GID4: variants seen among roughly 807,000 people sequenced by gnomAD.
The protein encoded by GID4 is glucose-induced degradation protein 4 homolog.
In GID4, 7 loss-of-function variants were observed where a neutral mutation model predicts 32.4. The observed-to-expected ratio is 0.22, with a 90% CI of 0.12 to 0.41. The LOEUF is 0.41. Among genes scored for constraint, GID4 ranks in the 10% least tolerant of loss-of-function variants. GID4 has a pLI of 1.00. For synonymous variants in GID4, 166 were observed against 170.0 expected, an observed-to-expected ratio of 0.98 and a Z score of 0.18; for missense variants, 309 against 400.0, an observed-to-expected ratio of 0.77 and a Z score of 1.94.
intron 3 of GID4, among the ~76,000 whole-genome samples, chr17:18,057,676 T>TA (rs1301446069): frequency 1.3e-5 from 2 of 151,994 alleles, no homozygotes; most frequent in Non-Finnish European, 1.5e-5. Context: ...GTCTTTTTTT[T>TA]AAAAAATGGG....
At chr17:18,056,368 GC>G (rs2044967180) in intron 3 of GID4, among the ~76,000 whole-genome samples, 1 of 152,320 alleles carries the variant, frequency 6.6e-6, no homozygotes, top group South Asian at 2.1e-4. Flanking sequence ...GGTTGGGGGA[GC>G]CCAAGTGGTG....
chr17:18,042,460 T>C (rs1249895437), intron 1 of GID4, among the ~76,000 whole-genome samples: 1 of 152,260 alleles, frequency 6.6e-6, no homozygotes, highest in Non-Finnish European at 1.5e-5. Flanking sequence ...TTCATCCATA[T>C]GGTAATATGT....
At chr17:18,045,626 G>T (rs1269879017) in intron 2 of GID4, among the ~76,000 whole-genome samples, 1 of 152,000 alleles carries the variant, frequency 6.6e-6, no homozygotes, top group African/African-American at 2.4e-5. Flanking sequence ...TGGTCGCGGT[G>T]GCTCATGCCT....
chr17:18,057,601 A>G (rs1011321891), intron 3 of GID4: 1 of 153,150 alleles, frequency 6.5e-6, no homozygotes, highest in African/African-American at 2.4e-5. Context: ...GCAACACCTA[A>G]AACTAAAATA....
intron 5 of GID4, among the ~76,000 whole-genome samples, chr17:18,062,719 C>T (rs895217341): frequency 2.0e-5 from 3 of 152,148 alleles, no homozygotes; most frequent in Non-Finnish European, 4.4e-5. Context: ...CCTGTAGCCA[C>T]GATTTTTAGG....
At chr17:18,054,411 C>T (rs535565789) in intron 3 of GID4, among the ~76,000 whole-genome samples, 177 bp downstream of exon 3, 4 of 152,324 alleles carry the variant, frequency 2.6e-5, no homozygotes, top group South Asian at 4.1e-4. Flanking sequence ...AGTTTAAATA[C>T]GATCTGACCT....
intron 5 of GID4, among the ~76,000 whole-genome samples, chr17:18,063,016 G>A (rs2045029343): frequency 6.6e-6 from 1 of 151,830 alleles, no homozygotes; most frequent in Non-Finnish European, 1.5e-5. Context: ...GGAGCTTGCA[G>A]GGAGCTGAGA....
At position 18,068,159 on chromosome 17, in the gene GID4, A is replaced by C. The variant is rs2045084853; in HGVS notation, c.*2916A>C. The C allele has an allele frequency of 6.6e-6, 1 of 152,662 alleles. No homozygotes were observed. Among genetic ancestry groups the C allele is most frequent in the Non-Finnish European group, 1.5e-5 (1 of 68,048 alleles). 9.5% of individuals were successfully genotyped at this position (152,662 alleles called of 1,614,324 possible). On this transcript the variant is annotated 3_prime_UTR_variant, in exon 6 of 6. Coordinates refer to ENST00000268719, the MANE Select transcript of GID4 (RefSeq NM_024052.5). ...CTGATAAGCTAATTTTTAAAAAGAA[A>C]TGCCATTAACTGTGTTGTATCGTGG...
intron 2 of GID4, among the ~76,000 whole-genome samples, chr17:18,052,457 G>A (rs1316912391): frequency 6.6e-6 from 1 of 152,162 alleles, no homozygotes; most frequent in Non-Finnish European, 1.5e-5. Context: ...TGAGGTTTTT[G>A]ATGCAGAATA....
At chr17:18,044,611 G>A (rs1349154562) in intron 1 of GID4, among the ~76,000 whole-genome samples, 2 of 152,222 alleles carry the variant, frequency 1.3e-5, no homozygotes, top group Admixed American at 6.5e-5. Flanking sequence ...TTTATAAGAT[G>A]CCATTTCTGA....
In GID4 at chr17:18,039,587, C is replaced by T; in HGVS notation, c.123C>T (p.Arg41=). ...RLLRRQRAGG[R]PSRPHPARAR... is the part of the protein sequence containing the mutation. The stretch of plus-strand genomic sequence containing the variant: ...TCCGCAGGCAGCGGGCGGGTGGTCG[C>T]CCCTCCCGCCCCCACCCCGCGCGTG... The change falls in exon 1 of 6, where the codon CGC becomes CGT. Residue 41 remains arginine, a synonymous_variant. Coordinates refer to ENST00000268719, the MANE Select transcript of GID4 (RefSeq NM_024052.5). The surrounding 1 kb of genome is among the most constrained non-coding windows in gnomAD (Gnocchi z 5.3). 7.7e-7 allele frequency: 1 copy of T among 1,294,588 alleles called. No homozygotes were observed. The highest frequency in any genetic ancestry group is 9.8e-7 in the Non-Finnish European group (1 of 1,024,496). 80.2% of individuals were successfully genotyped at this position (1,294,588 alleles called of 1,614,324 possible). A position where few individuals can be genotyped will look rare whatever the true frequency, so the allele number is the denominator to read the frequency against.
In GID4 at chr17:18,061,517, T is replaced by TA. The variant is rs1207008497; in HGVS notation, c.709-327dup. Among the ~76,000 whole-genome samples the TA allele has an allele frequency of 1.3e-5, 2 of 152,142 alleles. No homozygotes were observed. Among genetic ancestry groups the TA allele is most frequent in the Non-Finnish European group, 2.9e-5 (2 of 68,024 alleles). ...TTGATTGTCTGTGGTCTCTGAAAGA[T>TA]AGAGAGGCAGGCAGACAGGCAGGTG... is the stretch of plus-strand genomic sequence containing the variant. On this transcript the variant is annotated intron_variant, in intron 4 of 5. Transcript: ENST00000268719. This position sits in a 1 kb window ranked among gnomAD's most constrained non-coding sequence, Gnocchi z 4.4.
chr17:18,054,906 T>G (rs1490019194), intron 3 of GID4, among the ~76,000 whole-genome samples: 1 of 152,206 alleles, frequency 6.6e-6, no homozygotes, highest in Non-Finnish European at 1.5e-5. Flanking sequence ...GCGCGTTGGC[T>G]TGCGCCTGTA....
rs756850367 is a variant in GID4 at position 18,039,925 on chromosome 17, G to A, written c.438+23G>A. The A allele has an allele frequency of 1.3e-5, 18 of 1,351,692 alleles. No individual in the cohort carries two copies. In the East Asian group the frequency reaches 4.9e-4, roughly 36 times the overall value. The allele number at this position is 1,351,692 out of a possible 1,614,324, so 83.7% of individuals were successfully genotyped here. A position where few individuals can be genotyped will look rare whatever the true frequency, so the allele number is the denominator to read the frequency against. ...CAGGTGAGCGCCGGGCCGGGCCGGG[G>A]CCCGAGGGCCTCCTCGCGGCGCTCA... On this transcript the variant is annotated intron_variant, in intron 1 of 5. Transcript: ENST00000268719. The surrounding 1 kb of genome is among the most constrained non-coding windows in gnomAD (Gnocchi z 5.3).
chr17:18,062,632 T>C (rs759831982), intron 5 of GID4, among the ~76,000 whole-genome samples: 28 of 152,196 alleles, frequency 1.8e-4, no homozygotes, highest in Non-Finnish European at 3.8e-4. Flanking sequence ...ATTTAACACT[T>C]TGTTATATGT....
chr17:18,045,099 C>G (rs1352734948), intron 1 of GID4, 48 bp from the exon 2 acceptor site: 1 of 1,472,182 alleles, frequency 6.8e-7, no homozygotes, highest in African/African-American at 1.4e-5. Context: ...TGCATGTCCC[C>G]TAGTAAGTTT....
At chr17:18,057,179 G>C (rs2044977192) in intron 3 of GID4, 1 of 1,019,558 alleles carries the variant, frequency 9.8e-7, no homozygotes, top group South Asian at 1.8e-5. Flanking sequence ...TGCCTGTAAT[G>C]CCAGCACTTT....
In GID4 at chr17:18,067,254, G is replaced by A. The variant is rs937696954; in HGVS notation, c.*2011G>A. On this transcript the variant is annotated 3_prime_UTR_variant, in exon 6 of 6. Transcript: ENST00000268719. The stretch of plus-strand genomic sequence containing the variant: ...ACCTTCTGCATTTTTCCAGGCCTGT[G>A]AGGGATATAGGCCTCCCCTTGGAGC... The A allele has an allele frequency of 6.6e-6, 1 of 152,290 alleles. No individual in the cohort carries two copies. The allele number at this position is 152,290 out of a possible 1,614,324, so 9.4% of individuals were successfully genotyped here.
chr17:18,040,248 G>T (rs536242201), intron 1 of GID4, among the ~76,000 whole-genome samples: 10 of 152,256 alleles, frequency 6.6e-5, no homozygotes, highest in African/African-American at 2.4e-4. Flanking sequence ...CCTAGATCAG[G>T]GACTGCCACC....
Sources: gnomAD v4.1 joint callset for allele counts (sites outside exome capture counted in the v4.1 genomes callset) on GRCh38, gnomAD v4.1.1 for gene constraint, Gnocchi (gnomAD v3.1) non-coding constraint, MANE v1.5 for transcripts, NCBI Gene and HGNC (gene_info 2026-07-23, HGNC 2026-07-21) for gene names.